Variants in GUCY1B1 observed in about 807,000 individuals in gnomAD.
GUCY1B1 encodes the protein guanylate cyclase 1 soluble subunit beta 1, also known as guanylate cyclase soluble subunit beta-1.
GUCY1B1 carries 43 observed loss-of-function variants against 71.0 expected under a neutral mutation model. The ratio of observed to expected loss-of-function variants is 0.61; its 90% CI spans 0.47 to 0.78. The LOEUF (loss-of-function observed/expected upper bound fraction) is 0.78. GUCY1B1 is among the 30% of genes least tolerant of loss of function. The pLI is 0.00. For synonymous variants in GUCY1B1, 266 were observed against 259.7 expected, an observed-to-expected ratio of 1.02 and a Z score of -0.23; for missense variants, 535 against 754.1, an observed-to-expected ratio of 0.71 and a Z score of 3.40.
intron 4 of GUCY1B1, among the ~76,000 whole-genome samples, chr4:155,780,461 C>T (rs905033991): frequency 6.6e-5 from 10 of 152,158 alleles, no homozygotes; most frequent in African/African-American, 2.2e-4. Context: ...TCATAGGACA[C>T]TCTATTTCCC....
At chr4:155,776,422 C>T (rs1442510447) in intron 3 of GUCY1B1, among the ~76,000 whole-genome samples, 4 of 152,048 alleles carry the variant, frequency 2.6e-5, no homozygotes, top group Non-Finnish European at 4.4e-5. Context: ...TGATACACAG[C>T]ACTTTGAGAG....
At chr4:155,792,263 A>G (rs189847068) in intron 5 of GUCY1B1, among the ~76,000 whole-genome samples, 70 of 152,316 alleles carry the variant, frequency 4.6e-4, no homozygotes, top group Admixed American at 4.6e-3. Flanking sequence ...AAATATGATT[A>G]GAAAAGCTAT....
chr4:155,759,397 A>T (rs1310844816), intron 1 of GUCY1B1: 1 of 543,608 alleles, frequency 1.8e-6, no homozygotes, highest in Non-Finnish European at 3.2e-6. Context: ...GAGCTCGGGA[A>T]GGGGAGGTGC....
chr4:155,764,086 G>A (rs1288624990), intron 2 of GUCY1B1, among the ~76,000 whole-genome samples: 2 of 151,872 alleles, frequency 1.3e-5, no homozygotes, highest in Non-Finnish European at 2.9e-5. Context: ...TGCAACAAAT[G>A]CTCTTAATAT....
chr4:155,775,609 C>T (rs898668902), intron 3 of GUCY1B1, among the ~76,000 whole-genome samples: 2 of 152,048 alleles, frequency 1.3e-5, no homozygotes, highest in Non-Finnish European at 2.9e-5. Flanking sequence ...CTTTGTCTCC[C>T]CCAACAGAAA....
chr4:155,798,331 G>A (rs77696216), intron 8 of GUCY1B1, among the ~76,000 whole-genome samples: 276 of 152,206 alleles, frequency 1.8e-3, no homozygotes, highest in African/African-American at 6.4e-3. Context: ...CCACGAGACC[G>A]TTATGATTTA....
chr4:155,759,511 C>G (rs533167007), intron 1 of GUCY1B1: 2 of 506,628 alleles, frequency 3.9e-6, no homozygotes, highest in South Asian at 6.2e-5. Context: ...GCGCTGCCCC[C>G]GATGCCCAGC....
intron 4 of GUCY1B1, among the ~76,000 whole-genome samples, chr4:155,786,130 A>G (rs979194744): frequency 3.9e-5 from 6 of 151,938 alleles, no homozygotes; most frequent in African/African-American, 1.5e-4. Flanking sequence ...GTGAAAGTAG[A>G]AATGTTTTAA....
chr4:155,771,989 G>C (rs902458035), intron 2 of GUCY1B1, among the ~76,000 whole-genome samples: 1 of 151,996 alleles, frequency 6.6e-6, no homozygotes, highest in African/African-American at 2.4e-5. Context: ...GATAGTGGAG[G>C]CTTATTTTCT....
chr4:155,774,629 A>G (rs1737917701), intron 2 of GUCY1B1, among the ~76,000 whole-genome samples: 1 of 152,206 alleles, frequency 6.6e-6, no homozygotes, highest in Non-Finnish European at 1.5e-5. Context: ...GGCACCTAAT[A>G]GGGACTCAAC....
At chr4:155,784,835 G>A (rs939934755) in intron 4 of GUCY1B1, among the ~76,000 whole-genome samples, 20 of 152,130 alleles carry the variant, frequency 1.3e-4, no homozygotes, top group African/African-American at 4.8e-4. Flanking sequence ...CTTTGCCCCT[G>A]TAATTATGTA....
chr4:155,800,075 G>A lies in GUCY1B1; in HGVS notation c.1175+1G>A, dbSNP rs754412067. ...AAGATGAAAAGAAAAAGACAGACAC[G>A]TAAGAATGTAACGCTTGGAGCACTA... On this transcript the variant is annotated splice_donor_variant, in intron 9 of 13. Transcript: ENST00000264424. LOFTEE classifies it high-confidence loss of function. The A allele has an allele frequency of 1.3e-6, 2 of 1,597,018 alleles. No individual in the cohort carries two copies. The highest frequency in any genetic ancestry group is 1.7e-6 in the Non-Finnish European group (2 of 1,166,526).
chr4:155,784,425 T>A (rs1738631903), intron 4 of GUCY1B1, among the ~76,000 whole-genome samples: 1 of 152,196 alleles, frequency 6.6e-6, no homozygotes, highest in Non-Finnish European at 1.5e-5. Flanking sequence ...TGTTTAAATG[T>A]TTTATCTTCA....
chr4:155,794,421 A>G (rs1579243570), intron 6 of GUCY1B1, among the ~76,000 whole-genome samples: 1 of 152,190 alleles, frequency 6.6e-6, no homozygotes, highest in East Asian at 1.9e-4. Context: ...TATTCATTGG[A>G]TATCTACCAT....
chr4:155,764,828 A>AT (rs1452191268), intron 2 of GUCY1B1, among the ~76,000 whole-genome samples: 6 of 152,198 alleles, frequency 3.9e-5, no homozygotes, highest in African/African-American at 1.4e-4. Flanking sequence ...AGCTCTTTGC[A>AT]TAGGGCTCTT....
In GUCY1B1 at chr4:155,775,037, T is replaced by C. The variant is rs568985399; in HGVS notation, c.147T>C (p.Tyr49=). 14 of 1,602,822 alleles carry C rather than the reference T, an allele frequency of 8.7e-6. No individual in the cohort carries two copies. Among genetic ancestry groups the C allele is most frequent in the African/African-American group, 1.3e-5 (1 of 74,830 alleles). ...VRIIYDDSKT[Y]DLVAAASKVL... The stretch of plus-strand genomic sequence containing the variant: ...TAATATATGATGACTCCAAAACTTA[T>C]GATTTGGTTGCTGCTGCAAGCAAAG... The change falls in exon 3 of 14, where the codon TAT becomes TAC. Residue 49 remains tyrosine (Y), a synonymous_variant. Transcript: ENST00000264424.
intron 4 of GUCY1B1, among the ~76,000 whole-genome samples, chr4:155,788,857 G>GCACA: frequency 6.6e-6 from 1 of 151,556 alleles, no homozygotes; most frequent in East Asian, 1.9e-4. Context: ...TATATGTGCA[G>GCACA]CACACACACA....
chr4:155,783,819 A>T (rs1163154543), intron 4 of GUCY1B1, among the ~76,000 whole-genome samples: 1 of 152,188 alleles, frequency 6.6e-6, no homozygotes, highest in African/African-American at 2.4e-5. Flanking sequence ...AGCACCATTC[A>T]CTTTATTTTT....
At chr4:155,792,190 C>T (rs532380564) in intron 5 of GUCY1B1, among the ~76,000 whole-genome samples, 4 of 152,042 alleles carry the variant, frequency 2.6e-5, no homozygotes, top group South Asian at 4.2e-4. Context: ...AGATACCAGA[C>T]AATTTGAACC....
Sources: gnomAD v4.1 joint callset for allele counts (sites outside exome capture counted in the v4.1 genomes callset) on GRCh38, gnomAD v4.1.1 for gene constraint, MANE v1.5 for transcripts, NCBI Gene and HGNC (gene_info 2026-07-23, HGNC 2026-07-21) for gene names.